Variants in TSNARE1 observed in about 807,000 individuals in gnomAD.
The protein encoded by TSNARE1 is t-SNARE domain-containing protein 1.
TSNARE1 carries 49 observed loss-of-function variants against 62.0 expected under a neutral mutation model. The observed-to-expected ratio is 0.79, with a 90% confidence interval of 0.63 to 1.00. The LOEUF (loss-of-function observed/expected upper bound fraction) is 1.00, where lower values mean the gene tolerates loss of function less well. Ranked by LOEUF, TSNARE1 falls within the 50% of genes least tolerant of loss-of-function variation. The pLI, the probability that TSNARE1 is intolerant of heterozygous loss-of-function variation, is 0.00. For synonymous variants in TSNARE1, 328 were observed against 294.4 expected, an observed-to-expected ratio of 1.11 and a Z score of -1.17; for missense variants, 755 against 700.1, an observed-to-expected ratio of 1.08 and a Z score of -0.88.
At chr8:142,262,371 G>A (rs1347905726) in intron 12 of TSNARE1, among the ~76,000 whole-genome samples, 1 of 151,944 alleles carries the variant, frequency 6.6e-6, no homozygotes, top group Non-Finnish European at 1.5e-5. Flanking sequence ...AATTTTTTAT[G>A]TATTGTAATA....
intron 12 of TSNARE1, chr8:142,270,555 T>C (rs1388963776): frequency 1.0e-6 from 1 of 984,958 alleles, no homozygotes; most frequent in Non-Finnish European, 1.2e-6. Flanking sequence ...GCATATGGGA[T>C]GTGGTTCCCC....
intron 13 of TSNARE1, among the ~76,000 whole-genome samples, chr8:142,224,669 G>A (rs1458974257): frequency 1.3e-5 from 2 of 152,208 alleles, no homozygotes; most frequent in Non-Finnish European, 2.9e-5. Context: ...GGACTTCCAA[G>A]ATCCTGGCAG....
intron 12 of TSNARE1, among the ~76,000 whole-genome samples, chr8:142,268,111 C>G (rs1029550957): frequency 6.6e-6 from 1 of 152,214 alleles, no homozygotes; most frequent in South Asian, 2.1e-4. Flanking sequence ...CACCCTTGCC[C>G]TCAGGGCCAG....
At chr8:142,391,854 C>T (rs1299661232) in intron 1 of TSNARE1, among the ~76,000 whole-genome samples, 3 of 152,232 alleles carry the variant, frequency 2.0e-5, no homozygotes, top group South Asian at 2.1e-4. Flanking sequence ...GCTGGTAGCA[C>T]GAGCTGAGCA....
At chr8:142,233,389 A>C (rs569473251) in intron 12 of TSNARE1, among the ~76,000 whole-genome samples, 1 of 152,208 alleles carries the variant, frequency 6.6e-6, no homozygotes, top group South Asian at 2.1e-4. Context: ...GTGCTGGGGA[A>C]GCCTGGCCTC....
chr8:142,351,106 G>T (rs865862355), intron 2 of TSNARE1, among the ~76,000 whole-genome samples: 1 of 152,188 alleles, frequency 6.6e-6, no homozygotes, highest in African/African-American at 2.4e-5. Flanking sequence ...GATTTACTCC[G>T]GAATGACACA....
chr8:142,321,852 A>G (rs557094455), intron 6 of TSNARE1, among the ~76,000 whole-genome samples: 3 of 152,360 alleles, frequency 2.0e-5, no homozygotes, highest in African/African-American at 4.8e-5. Context: ...ACAGGCTTCA[A>G]TATCAATATC....
intron 10 of TSNARE1, among the ~76,000 whole-genome samples, chr8:142,292,975 G>A (rs185828313): frequency 1.3e-5 from 2 of 152,090 alleles, no homozygotes; most frequent in Admixed American, 6.6e-5. Flanking sequence ...CATAGAAAGT[G>A]GGGGGGCCAC....
intron 12 of TSNARE1, among the ~76,000 whole-genome samples, chr8:142,256,367 TCATC>T (rs879884753): frequency 0.017 from 1,972 of 113,224 alleles, 63 homozygotes; most frequent in African/African-American, 0.021. Flanking sequence ...ATCACCACCA[TCATC>T]ACCACCATCA....
intron 1 of TSNARE1, among the ~76,000 whole-genome samples, chr8:142,388,773 G>T (rs1458868225): frequency 2.6e-5 from 4 of 151,986 alleles, no homozygotes. Context: ...GGCCAGGCTG[G>T]TCTCAAACTC....
At chr8:142,226,804 GC>G (rs745368150) in intron 13 of TSNARE1, among the ~76,000 whole-genome samples, 41 of 152,088 alleles carry the variant, frequency 2.7e-4, no homozygotes, top group Non-Finnish European at 5.0e-4. Context: ...CCATGGCAGG[GC>G]CCTTCCTAGG....
At chr8:142,212,692 A>C (rs1054679365) in intron 13 of TSNARE1, among the ~76,000 whole-genome samples, 5 of 150,602 alleles carry the variant, frequency 3.3e-5, no homozygotes, top group Admixed American at 2.6e-4. Flanking sequence ...TGCCTGGCGC[A>C]CCCACCGGCC....
rs374214385 is a variant in TSNARE1, at chr8:142,290,460, C to T, written c.1291-5975G>A. On this transcript the variant is annotated intron_variant, in intron 10 of 13. Coordinates refer to ENST00000524325, the MANE Select transcript of TSNARE1 (RefSeq NM_145003.5). ...TCTTTCTCTTCTTTCACTGGCACAG[C>T]GGAAAAAGCCCCTTGCACGAGACAT... Among the ~76,000 whole-genome samples, 9 of 152,336 alleles carry T rather than the reference C, an allele frequency of 5.9e-5. No individual in the cohort carries two copies. The East Asian group carries it at 9.6e-4, about 16-fold the overall frequency.
rs1033045436 is a variant in TSNARE1 at position 142,273,341 on chromosome 8, C to T, written c.1446+1440G>A. On this transcript the variant is annotated intron_variant, in intron 12 of 13. Transcript: ENST00000524325. The stretch of plus-strand genomic sequence containing the variant: ...AACAAGGCCTTCTGCGTGGTGTGGC[C>T]CTGAGTTTCCAGCGAGTCCACCTTG... 9.1e-6 allele frequency: 9 copies of T among 985,300 alleles called. No individual in the cohort carries two copies. In the African/African-American group the frequency reaches 1.4e-4, roughly 15 times the overall value. 61.0% of individuals were successfully genotyped at this position (985,300 alleles called of 1,614,324 possible). A position where few individuals can be genotyped will look rare whatever the true frequency, so the allele number is the denominator to read the frequency against.
chr8:142,339,974 C>T (rs1012049716), intron 4 of TSNARE1, among the ~76,000 whole-genome samples: 15 of 152,248 alleles, frequency 9.9e-5, no homozygotes, highest in African/African-American at 3.6e-4. Context: ...CACTTCCCAA[C>T]AGGGGCTGAT....
intron 11 of TSNARE1, chr8:142,276,869 T>G (rs1820587063): frequency 1.0e-6 from 1 of 985,242 alleles, no homozygotes; most frequent in Non-Finnish European, 1.2e-6. Flanking sequence ...TCAAGACACC[T>G]CACACAACCA....
In TSNARE1 at chr8:142,223,590, AT is replaced by A. The variant is rs1195119705; in HGVS notation, c.*11+5882del. Among the ~76,000 whole-genome samples the A allele has an allele frequency of 1.9e-5, 2 of 106,270 alleles. 1 individual carries two copies. 69.7% of individuals were successfully genotyped at this position (106,270 alleles called of 152,430 possible). On this transcript the variant is annotated intron_variant, in intron 13 of 13. Coordinates refer to ENST00000524325, the MANE Select transcript of TSNARE1 (RefSeq NM_145003.5). Reference sequence around the variant, plus strand: ...CATTCACTAACTCATCCACTCACTCATTCACTCACTCACTCATTTATCCACT... The same window carrying A: ...CATTCACTAACTCATCCACTCACTCATCACTCACTCACTCATTTATCCACT...
At chr8:142,317,063 A>C (rs374896191) in intron 7 of TSNARE1, among the ~76,000 whole-genome samples, 2 of 151,878 alleles carry the variant, frequency 1.3e-5, no homozygotes, top group African/African-American at 4.8e-5. Flanking sequence ...AGCAGCTCAC[A>C]CTGCACACAT....
chr8:142,328,456 A>G (rs1467661932), intron 6 of TSNARE1, among the ~76,000 whole-genome samples: 1 of 152,218 alleles, frequency 6.6e-6, no homozygotes, highest in East Asian at 1.9e-4. Context: ...GTTGTTAGCC[A>G]ATCAGGTCTA....
Sources: allele counts gnomAD v4.1 joint callset (sites outside exome capture counted in the v4.1 genomes callset), GRCh38; gene constraint gnomAD v4.1.1; transcripts MANE v1.5; gene names NCBI Gene and HGNC (gene_info 2026-07-23, HGNC 2026-07-21).